The following XXYLT1 variants were observed in gnomAD, a reference collection of about 807,000 sequenced individuals.
The protein encoded by XXYLT1 is xyloside xylosyltransferase 1.
XXYLT1 carries 20 observed loss-of-function variants against 28.9 expected under a neutral mutation model. The observed-to-expected ratio is 0.69, with a 90% confidence interval of 0.49 to 1.00. The LOEUF is 1.00. Ranked by LOEUF, XXYLT1 falls within the 50% of genes least tolerant of loss-of-function variation. The pLI is 0.00. For synonymous variants in XXYLT1, 257 were observed against 253.8 expected (o/e 1.01, Z -0.12); for missense variants, 542 against 560.1 (o/e 0.97, Z 0.33).
At chr3:195,212,367 C>T (rs968760498) in intron 2 of XXYLT1, among the ~76,000 whole-genome samples, 1 of 152,206 alleles carries the variant, frequency 6.6e-6, no homozygotes, top group African/African-American at 2.4e-5. Flanking sequence ...AACGTGGTAA[C>T]GGAGTTAAAT....
At chr3:195,162,320 T>C (rs1720914383) in intron 2 of XXYLT1, among the ~76,000 whole-genome samples, 3 of 152,150 alleles carry the variant, frequency 2.0e-5, no homozygotes, top group African/African-American at 7.2e-5. Context: ...CAGGAAGGCC[T>C]TGACTCTCAC....
At chr3:195,102,246 A>G (rs1716831488) in intron 3 of XXYLT1, among the ~76,000 whole-genome samples, 1 of 152,240 alleles carries the variant, frequency 6.6e-6, no homozygotes, top group Admixed American at 6.5e-5. Flanking sequence ...GCAAATTAAC[A>G]TATCCATCAA....
At position 195,195,077 on chromosome 3, in the gene XXYLT1, GGT is replaced by G. The variant is rs1722570452; in HGVS notation, c.652+31630_652+31631del. Among the ~76,000 whole-genome samples, 1 of 137,306 alleles carries G rather than the reference GGT, an allele frequency of 7.3e-6. No individual in the cohort carries two copies. Among genetic ancestry groups the G allele is most frequent in the African/African-American group, 3.6e-5 (1 of 28,048 alleles). The allele number at this position is 137,306 out of a possible 152,430, so 90.1% of individuals were successfully genotyped here. A position where few individuals can be genotyped will look rare whatever the true frequency, so the allele number is the denominator to read the frequency against. On this transcript the variant is annotated intron_variant, in intron 2 of 3. Coordinates refer to ENST00000310380, the MANE Select transcript of XXYLT1 (RefSeq NM_152531.5). The surrounding 1 kb of genome is among the most constrained non-coding windows in gnomAD (Gnocchi z 4.4). The stretch of plus-strand genomic sequence containing the variant: ...TATAAACTGTACCTCAACAAAGCTG[GGT>G]TTTTTTTTTAAAAGGACAATGTACA...
Position 195,227,638 on chromosome 3 carries a change from G to A in XXYLT1, c.505-782C>T, listed in dbSNP as rs117741278. 5.9e-5 allele frequency among the ~76,000 whole-genome samples: 9 copies of A among 152,188 alleles called. No individual in the cohort carries two copies. The East Asian group carries it at 1.7e-3, about 29-fold the overall frequency. On this transcript the variant is annotated intron_variant, in intron 1 of 3. Transcript: ENST00000310380. ...CTGTGAGGCAGACATCACTATTATA[G>A]CCTCCAAATTACAAATAAGGACGCA...
chr3:195,071,618 C>T (rs1448793079), intron 3 of XXYLT1, among the ~76,000 whole-genome samples: 1 of 152,148 alleles, frequency 6.6e-6, no homozygotes, highest in Admixed American at 6.5e-5. Context: ...CAAAAATAAG[C>T]TTCTCAAGCA....
At chr3:195,147,442 C>T (rs187971053) in intron 3 of XXYLT1, among the ~76,000 whole-genome samples, 181 of 152,202 alleles carry the variant, frequency 1.2e-3, no homozygotes, top group African/African-American at 4.0e-3. Flanking sequence ...TGGTGGTCAG[C>T]GCCTGTAATC....
chr3:195,139,086 A>C (rs1455215989), intron 3 of XXYLT1, among the ~76,000 whole-genome samples: 1 of 152,090 alleles, frequency 6.6e-6, no homozygotes, highest in Non-Finnish European at 1.5e-5. Flanking sequence ...AGCTGCCCCC[A>C]GTGTCAGGCT....
intron 3 of XXYLT1, among the ~76,000 whole-genome samples, chr3:195,090,854 G>A (rs1378561253): frequency 6.6e-5 from 10 of 151,272 alleles, no homozygotes; most frequent in East Asian, 1.9e-4. Context: ...TATCACCACC[G>A]ATCTCACAGA....
chr3:195,116,784 G>C (rs1405783339), intron 3 of XXYLT1, among the ~76,000 whole-genome samples: 3 of 152,190 alleles, frequency 2.0e-5, no homozygotes, highest in Non-Finnish European at 4.4e-5. Flanking sequence ...ACACTTGCTT[G>C]CCTGCCTGAC....
intron 3 of XXYLT1, among the ~76,000 whole-genome samples, chr3:195,072,225 C>T (rs550326637): frequency 3.5e-4 from 53 of 151,562 alleles, no homozygotes; most frequent in Non-Finnish European, 6.0e-4. Context: ...ACTGAGGACA[C>T]GATGCTGCAC....
chr3:195,112,569 GCACACACACGCACGCA>G (rs1717810419), intron 3 of XXYLT1, among the ~76,000 whole-genome samples: 1 of 143,308 alleles, frequency 7.0e-6, no homozygotes, highest in African/African-American at 2.6e-5. Context: ...ATGAAGCAGT[GCACACACACGCACGCA>G]CACACACACA....
chr3:195,249,021 G>A (rs554456471), intron 1 of XXYLT1, among the ~76,000 whole-genome samples: 5 of 152,150 alleles, frequency 3.3e-5, no homozygotes, highest in Non-Finnish European at 7.4e-5. Context: ...TAAAATATAC[G>A]TTAAGTAGGT....
intron 3 of XXYLT1, among the ~76,000 whole-genome samples, chr3:195,105,103 A>T (rs568444255): frequency 3.3e-5 from 5 of 152,328 alleles, no homozygotes; most frequent in Non-Finnish European, 7.4e-5. Flanking sequence ...CCAACTGCTC[A>T]CTAGTGTTTC....
chr3:195,183,288 T>G (rs1722036860), intron 2 of XXYLT1, among the ~76,000 whole-genome samples: 1 of 152,112 alleles, frequency 6.6e-6, no homozygotes, highest in South Asian at 2.1e-4. Flanking sequence ...CCCCACGCTG[T>G]TCTAGTAATA....
intron 3 of XXYLT1, among the ~76,000 whole-genome samples, chr3:195,116,980 G>C (rs967420313): frequency 6.6e-6 from 1 of 152,112 alleles, no homozygotes; most frequent in Non-Finnish European, 1.5e-5. Flanking sequence ...AGCCCAGCCA[G>C]CACAAACAAG....
chr3:195,121,067 C>T (rs207464210), intron 3 of XXYLT1, among the ~76,000 whole-genome samples: 2 of 152,336 alleles, frequency 1.3e-5, no homozygotes, highest in East Asian at 1.9e-4. Context: ...CTGCCTCCTC[C>T]GTGAGCACCC....
chr3:195,142,523 T>A (rs1176789321), intron 3 of XXYLT1, among the ~76,000 whole-genome samples: 2 of 152,236 alleles, frequency 1.3e-5, no homozygotes, highest in Non-Finnish European at 1.5e-5. Context: ...AATTCAGCTA[T>A]AAGTTTTCTA....
At chr3:195,162,480 C>T (rs1301666471) in intron 2 of XXYLT1, among the ~76,000 whole-genome samples, 1 of 152,228 alleles carries the variant, frequency 6.6e-6, no homozygotes, top group Non-Finnish European at 1.5e-5. Flanking sequence ...TGAATAACCA[C>T]AGCCAGTTTC....
intron 1 of XXYLT1, among the ~76,000 whole-genome samples, chr3:195,266,021 T>A (rs1336040194): frequency 6.6e-6 from 1 of 152,110 alleles, no homozygotes; most frequent in Non-Finnish European, 1.5e-5. Context: ...TGATCTAAGT[T>A]TTACAAGTGT....
Sources: gnomAD v4.1 joint callset for allele counts (sites outside exome capture counted in the v4.1 genomes callset) on GRCh38, gnomAD v4.1.1 for gene constraint, Gnocchi (gnomAD v3.1) non-coding constraint, MANE v1.5 for transcripts, NCBI Gene and HGNC (gene_info 2026-07-23, HGNC 2026-07-21) for gene names.